The following PLXDC2 variants were observed in gnomAD, a reference collection of about 807,000 sequenced individuals.
PLXDC2 encodes plexin domain containing 2.
PLXDC2 carries 40 observed loss-of-function variants against 68.9 expected under a neutral mutation model. The observed-to-expected ratio is 0.58, with a 90% CI of 0.45 to 0.76. The LOEUF is 0.76. Among genes scored for constraint, PLXDC2 ranks in the 30% least tolerant of loss-of-function variants. The pLI is 0.00. For missense variants in PLXDC2, 644 were observed against 661.9 expected, an observed-to-expected ratio of 0.97 and a Z score of 0.30; for synonymous variants, 243 against 234.2, an observed-to-expected ratio of 1.04 and a Z score of -0.34.
chr10:19,860,210 T>C (rs1837293286), intron 1 of PLXDC2, among the ~76,000 whole-genome samples: 1 of 152,144 alleles, frequency 6.6e-6, no homozygotes, highest in South Asian at 2.1e-4. Flanking sequence ...TCATGCAGGG[T>C]GCAGTTTGCA....
chr10:20,231,429 T>C (rs938613928), intron 12 of PLXDC2, among the ~76,000 whole-genome samples: 4 of 151,662 alleles, frequency 2.6e-5, no homozygotes, highest in African/African-American at 9.6e-5. Flanking sequence ...TTTATAGTTT[T>C]AAATGTTTAT....
chr10:19,896,014 C>T (rs915311688), intron 1 of PLXDC2, among the ~76,000 whole-genome samples: 5 of 152,146 alleles, frequency 3.3e-5, no homozygotes, highest in East Asian at 1.9e-4. Flanking sequence ...AGGTCAAGGT[C>T]GGGGGGCCCT....
chr10:20,033,459 A>T (rs905565026), intron 2 of PLXDC2, among the ~76,000 whole-genome samples: 4 of 152,164 alleles, frequency 2.6e-5, no homozygotes, highest in African/African-American at 7.2e-5. Flanking sequence ...GCATTGTATT[A>T]GTCTGCTCTC....
At chr10:20,105,697 T>A (rs1178142989) in intron 4 of PLXDC2, among the ~76,000 whole-genome samples, 4 of 152,100 alleles carry the variant, frequency 2.6e-5, no homozygotes, top group Non-Finnish European at 5.9e-5. Context: ...AGCAAGTTTC[T>A]CAAAGGAAGC....
chr10:19,969,241 G>A (rs190405977), intron 1 of PLXDC2, among the ~76,000 whole-genome samples: 27 of 152,162 alleles, frequency 1.8e-4, no homozygotes, highest in Admixed American at 9.2e-4. Context: ...ATTTTCTCTC[G>A]TTCCTCCATT....
chr10:20,190,434 A>G (rs561582069), intron 9 of PLXDC2, among the ~76,000 whole-genome samples: 1 of 151,718 alleles, frequency 6.6e-6, no homozygotes, highest in Admixed American at 6.6e-5. Flanking sequence ...TAAAAATTTA[A>G]AAACAAAAGG....
At chr10:19,822,452 T>C (rs1447830135) in intron 1 of PLXDC2, among the ~76,000 whole-genome samples, 3 of 152,122 alleles carry the variant, frequency 2.0e-5, no homozygotes, top group Non-Finnish European at 4.4e-5. Flanking sequence ...AAGATACCTC[T>C]TAAAGGCTCT....
rs78521728 is a variant in PLXDC2 at position 19,841,468 on chromosome 10, T to C, written c.112+24277T>C. On this transcript the variant is annotated intron_variant, in intron 1 of 13. Transcript: ENST00000377252. ...ATTTTAGAAGATACAAAACAGTATA[T>C]AGAAGAAAAATCTTGTTTATCATCT... Among the ~76,000 whole-genome samples the C allele has an allele frequency of 2.8e-3, 430 of 152,090 alleles. 9 individuals carry two copies. The East Asian group carries it at 0.053, about 19-fold the overall frequency.
At chr10:19,827,022 C>T (rs1836585583) in intron 1 of PLXDC2, among the ~76,000 whole-genome samples, 1 of 152,184 alleles carries the variant, frequency 6.6e-6, no homozygotes, top group Admixed American at 6.5e-5. Flanking sequence ...GTTTTCCATC[C>T]ATGGATAATT....
chr10:20,134,776 G>C (rs547087917), intron 4 of PLXDC2, among the ~76,000 whole-genome samples: 106 of 152,190 alleles, frequency 7.0e-4, no homozygotes, highest in African/African-American at 2.5e-3. Context: ...ACCTAGGATT[G>C]CAAGTGTTGG....
chr10:20,284,330 T>TATATATATATATATATATATATACAC lies in PLXDC2; in HGVS notation c.*4512_*4513insTATATATATATATATATATATACACA, dbSNP rs1484131963. Reference sequence around the variant, plus strand: ...AAATATACATATATATATATATATATACACACACACACACACACACACAAA... The same window carrying TATATATATATATATATATATATACAC: ...AAATATACATATATATATATATATATATATATATATATATATATATATACACACACACACACACACACACACACAAA... On this transcript the variant is annotated 3_prime_UTR_variant, in exon 14 of 14. Transcript: ENST00000377252. The TATATATATATATATATATATATACAC allele has an allele frequency of 8.2e-4, 103 of 126,294 alleles. 2 individuals are homozygous for TATATATATATATATATATATATACAC. The Middle Eastern group carries it at 0.012, about 14-fold the overall frequency. The allele number at this position is 126,294 out of a possible 1,614,324, so 7.8% of individuals were successfully genotyped here. A position where few individuals can be genotyped will look rare whatever the true frequency, so the allele number is the denominator to read the frequency against.
Position 20,124,311 on chromosome 10 carries a change from T to A in PLXDC2, c.542-18984T>A, listed in dbSNP as rs532720746. Among the ~76,000 whole-genome samples, 3 of 151,828 alleles carry A rather than the reference T, an allele frequency of 2.0e-5. No individual in the cohort carries two copies. In the South Asian group the frequency reaches 6.2e-4, roughly 32 times the overall value. ...AATTGAAATTAAGAGAAGGGAGAGA[T>A]TGAAGAGTGGAAAGGAGAAAGTGGT... On this transcript the variant is annotated intron_variant, in intron 4 of 13. Coordinates refer to ENST00000377252, the MANE Select transcript of PLXDC2 (RefSeq NM_032812.9).
intron 1 of PLXDC2, among the ~76,000 whole-genome samples, chr10:19,845,140 C>G (rs72784110): frequency 0.04 from 6,147 of 152,218 alleles, 157 homozygotes; most frequent in Middle Eastern, 0.11. Context: ...CACTTCCCTT[C>G]TCTGCTCTCC....
chr10:20,267,016 C>T (rs545363054), intron 13 of PLXDC2, among the ~76,000 whole-genome samples: 2 of 152,258 alleles, frequency 1.3e-5, no homozygotes, highest in African/African-American at 4.8e-5. Flanking sequence ...CATTATACGT[C>T]TCACCTAAAG....
intron 1 of PLXDC2, among the ~76,000 whole-genome samples, chr10:19,970,404 T>A (rs1834330556): frequency 1.3e-5 from 2 of 152,150 alleles, no homozygotes; most frequent in Non-Finnish European, 2.9e-5. Flanking sequence ...ACAGTTCATA[T>A]GAGGGAAATG....
At chr10:20,029,761 A>G (rs1313216822) in intron 2 of PLXDC2, among the ~76,000 whole-genome samples, 1 of 152,156 alleles carries the variant, frequency 6.6e-6, no homozygotes, top group Non-Finnish European at 1.5e-5. Flanking sequence ...GTCTGAAAAT[A>G]TCATTGGTAA....
intron 4 of PLXDC2, chr10:20,071,165 C>A (rs1836310113): frequency 6.6e-6 from 1 of 152,138 alleles, no homozygotes; most frequent in East Asian, 1.9e-4. Context: ...AAAATGAAAC[C>A]TGAGTCTCAT....
chr10:19,931,738 G>T (rs1322575624), intron 1 of PLXDC2, among the ~76,000 whole-genome samples: 1 of 152,078 alleles, frequency 6.6e-6, no homozygotes, highest in Non-Finnish European at 1.5e-5. Flanking sequence ...AGCTGGTTTG[G>T]CAGGAGGAAA....
intron 4 of PLXDC2, among the ~76,000 whole-genome samples, chr10:20,104,880 G>T (rs1039464028): frequency 6.6e-6 from 1 of 151,974 alleles, no homozygotes; most frequent in Admixed American, 6.6e-5. Context: ...GTGAAACTCT[G>T]TCTCTACTAA....
Sources: allele counts gnomAD v4.1 joint callset (sites outside exome capture counted in the v4.1 genomes callset), GRCh38; gene constraint gnomAD v4.1.1; transcripts MANE v1.5; gene names NCBI Gene and HGNC (gene_info 2026-07-23, HGNC 2026-07-21).